ICAM3: variants seen among roughly 807,000 people sequenced by gnomAD.
ICAM3 encodes the protein ICAM-3.
In ICAM3, 54 loss-of-function variants were observed where a neutral mutation model predicts 43.6. The observed-to-expected ratio is 1.24, with a 90% CI of 0.99 to 1.55. The LOEUF is 1.55. Among genes scored for constraint, ICAM3 ranks in the 40% most tolerant of loss-of-function variants. The probability of loss-of-function intolerance (pLI) is 0.00; values close to 1 mark genes in which losing one functional copy is unlikely to be tolerated. For synonymous variants in ICAM3, 306 were observed against 312.6 expected, an observed-to-expected ratio of 0.98 and a Z score of 0.22; for missense variants, 715 against 717.9, an observed-to-expected ratio of 1.00 and a Z score of 0.05.
Position 10,335,182 on chromosome 19 carries a change from A to C in ICAM3, c.821T>G (p.Leu274Arg). Residue 274 changes from leucine to arginine, a missense_variant, in exon 4 of 7, where the codon CTA (leucine) becomes CGA (arginine). By Grantham distance (102) the Leu-to-Arg change is moderately radical. Coordinates refer to ENST00000160262, the MANE Select transcript of ICAM3 (RefSeq NM_002162.5). ...NATVMNHGDTLTATATATARA... is the reference protein window; with the variant it reads ...NATVMNHGDTRTATATATARA... ...CGCCGTGGCTGTGGCTGTGGCCGTT[A>C]GCGTGTCCCCGTGGTTCATGACTGT... The C allele has an allele frequency of 2.5e-6, 4 of 1,613,720 alleles. No homozygotes were observed. The highest frequency in any genetic ancestry group is 3.4e-6 in the Non-Finnish European group (4 of 1,180,006).
intron 2 of ICAM3, among the ~76,000 whole-genome samples, chr19:10,336,656 A>C (rs928549245): frequency 3.9e-5 from 6 of 152,022 alleles, no homozygotes; most frequent in Non-Finnish European, 8.8e-5. Flanking sequence ...AAATACAAAA[A>C]TTAGCCAGGC....
rs373987930 is a variant in ICAM3 at position 10,333,783 on chromosome 19, G to T, written c.*74C>A. 42 of 1,519,644 alleles carry T rather than the reference G, an allele frequency of 2.8e-5. No homozygotes were observed. Among genetic ancestry groups the T allele is most frequent in the Non-Finnish European group, 3.7e-5 (41 of 1,100,474 alleles). 94.1% of individuals were successfully genotyped at this position (1,519,644 alleles called of 1,614,324 possible). On this transcript the variant is annotated 3_prime_UTR_variant, in exon 7 of 7. Transcript: ENST00000160262. This position sits in a 1 kb window ranked among gnomAD's most constrained non-coding sequence, Gnocchi z 4.2. ...GTGGAATCAAACCACAGATTAGGGA[G>T]TTTGAAGGCTTTATTGGTGCGGAAT...
At position 10,334,986 on chromosome 19, in the gene ICAM3, A is replaced by G. The variant is rs1422081710; in HGVS notation, c.937+80T>C. 16 of 1,541,058 alleles carry G rather than the reference A, an allele frequency of 1.0e-5. No homozygotes were observed. The highest frequency in any genetic ancestry group is 1.4e-5 in the Non-Finnish European group (16 of 1,138,948). ...CTGCTATTGGGGCAAGCCAGGCCCCACCTTTTCGGCTAGTCTCCGCCCCCT... is the reference window on the plus strand; with the variant it reads ...CTGCTATTGGGGCAAGCCAGGCCCCGCCTTTTCGGCTAGTCTCCGCCCCCT... On this transcript the variant is annotated intron_variant, in intron 4 of 6. Transcript: ENST00000160262. This position sits in a 1 kb window ranked among gnomAD's most constrained non-coding sequence, Gnocchi z 5.5.
intron 2 of ICAM3, among the ~76,000 whole-genome samples, chr19:10,337,548 T>A (rs988218801): frequency 2.6e-5 from 4 of 151,672 alleles, no homozygotes; most frequent in African/African-American, 9.7e-5. Context: ...CATAGGGAGA[T>A]CCTGTCTCTA....
In ICAM3 at chr19:10,334,259, T is replaced by G; in HGVS notation, c.1342A>C (p.Ile448Leu). 1 of 1,614,138 alleles carries G rather than the reference T, an allele frequency of 6.2e-7. No homozygotes were observed. Among genetic ancestry groups the G allele is most frequent in the South Asian group, 1.1e-5 (1 of 91,084 alleles). ...TGTGTTACGTTGACGAAGAACGGGATCCCCACCGGCACCTCCCGGCTGGAG... is the reference window on the plus strand; with the variant it reads ...TGTGTTACGTTGACGAAGAACGGGAGCCCCACCGGCACCTCCCGGCTGGAG... ...EGSSREVPVG[I>L]PFFVNVTHNG... is the part of the protein sequence containing the mutation. The change falls in exon 6 of 7, where the codon ATC becomes CTC. Residue 448 changes from isoleucine (I) to leucine (L), a missense_variant. Transcript: ENST00000160262. The surrounding 1 kb of genome is among the most constrained non-coding windows in gnomAD (Gnocchi z 5.5).
rs1454044703 is a variant in ICAM3, at chr19:10,335,654, G to A, written c.649+17C>T. 6.3e-7 allele frequency: 1 copy of A among 1,585,542 alleles called. No individual in the cohort carries two copies. Among genetic ancestry groups the A allele is most frequent in the Non-Finnish European group, 8.6e-7 (1 of 1,164,788 alleles). Reference sequence around the variant, plus strand: ...TGGCTCAGCTCGTCACCCACCGTCTGAAGCCCCTTCTCTCACCAAAGGTTC... The same window carrying A: ...TGGCTCAGCTCGTCACCCACCGTCTAAAGCCCCTTCTCTCACCAAAGGTTC... On this transcript the variant is annotated intron_variant, in intron 3 of 6. Transcript: ENST00000160262.
At position 10,338,129 on chromosome 19, in the gene ICAM3, C is replaced by T. The variant is rs145126073; in HGVS notation, c.343+553G>A. On this transcript the variant is annotated intron_variant, in intron 2 of 6. Transcript: ENST00000160262. ...AAAAAAAAAGCTTGTTGGGGCCGGG[C>T]GCAGTGGCCCATGCCTGTAATCCCA... 2.1e-3 allele frequency among the ~76,000 whole-genome samples: 313 copies of T among 148,496 alleles called. 3 individuals are homozygous for T. The highest frequency in any genetic ancestry group is 3.8e-3 in the Non-Finnish European group (257 of 67,564).
Position 10,335,925 on chromosome 19 carries a change from C to G in ICAM3, c.395G>C (p.Gly132Ala). The G allele has an allele frequency of 6.3e-7, 1 of 1,585,160 alleles. No homozygotes were observed. The highest frequency in any genetic ancestry group is 1.3e-5 in the African/African-American group (1 of 74,780). ...LAPLPPWQPV[G>A]QNFTLRCQVE... is the part of the protein sequence containing the mutation. ...TTGGCAGCGCAGGGTGAAGTTCTGG[C>G]CCACCGGCTGCCAAGGAGGCAGGGG... The change falls in exon 3 of 7, where the codon GGC (glycine) becomes GCC (alanine). Residue 132 changes from glycine to alanine, a missense_variant. Transcript: ENST00000160262.
intron 4 of ICAM3, 35 bp downstream of exon 4, chr19:10,335,031 C>T (rs751253462): frequency 6.3e-7 from 1 of 1,594,206 alleles, no homozygotes; most frequent in East Asian, 2.2e-5. Context: ...CCCCAGACTG[C>T]TGAGGCCGCG....
At position 10,335,073 on chromosome 19, in the gene ICAM3, C is replaced by A; in HGVS notation, c.930G>T (p.Thr310=). ...GERREARENL[T]VFSFLGPIVN... Reference sequence around the variant, plus strand: ...TCCCACGCCTCCTCTTACTAAAGACCGTCAAGTTCTCCCGGGCCTCCCGTC... The same window carrying A: ...TCCCACGCCTCCTCTTACTAAAGACAGTCAAGTTCTCCCGGGCCTCCCGTC... Residue 310 remains threonine, a synonymous_variant, in exon 4 of 7, where the codon ACG becomes ACT. Coordinates refer to ENST00000160262, the MANE Select transcript of ICAM3 (RefSeq NM_002162.5). 1 of 1,612,454 alleles carries A rather than the reference C, an allele frequency of 6.2e-7. No individual in the cohort carries two copies. The highest frequency in any genetic ancestry group is 8.5e-7 in the Non-Finnish European group (1 of 1,179,136).
At position 10,334,458 on chromosome 19, in the gene ICAM3, T is replaced by G; in HGVS notation, c.1193-50A>C. 1 of 1,610,532 alleles carries G rather than the reference T, an allele frequency of 6.2e-7. No homozygotes were observed. The highest frequency in any genetic ancestry group is 8.5e-7 in the Non-Finnish European group (1 of 1,177,544). On this transcript the variant is annotated intron_variant, in intron 5 of 6. Transcript: ENST00000160262. The surrounding 1 kb of genome is among the most constrained non-coding windows in gnomAD (Gnocchi z 5.5). ...GACACCCAACACACCCGAGGCACAG[T>G]GGTGCAGAGGAGCGTCTAATCTTTC... is the stretch of plus-strand genomic sequence containing the variant.
chr19:10,338,708 G>T lies in ICAM3; in HGVS notation c.317C>A (p.Thr106Lys), dbSNP rs376533851. The T allele has an allele frequency of 1.2e-6, 2 of 1,614,100 alleles. No individual in the cohort carries two copies. The highest frequency in any genetic ancestry group is 3.3e-5 in the Admixed American group (2 of 60,000). The change falls in exon 2 of 7, where the codon ACA (threonine) becomes AAA (lysine). Residue 106 changes from threonine to lysine, a missense_variant. Coordinates refer to ENST00000160262, the MANE Select transcript of ICAM3 (RefSeq NM_002162.5). ...CSVYCNGSQI[T>K]GSSNITVYRL... is the part of the protein sequence containing the mutation. ...GTACACGGTGATGTTAGAGGAGCCT[G>T]TTATCTGAGAGCCATTGCAGTACAC...
chr19:10,335,902 G>T lies in ICAM3; in HGVS notation c.418C>A (p.Gln140Lys). The T allele has an allele frequency of 5.0e-6, 8 of 1,596,314 alleles. No individual in the cohort carries two copies. Among genetic ancestry groups the T allele is most frequent in the Non-Finnish European group, 6.8e-6 (8 of 1,175,338 alleles). ...PVGQNFTLRC[Q>K]VEDGSPRTSL... ...GTCCGGGGCGACCCATCCTCCACTTGGCAGCGCAGGGTGAAGTTCTGGCCC... is the reference window on the plus strand; with the variant it reads ...GTCCGGGGCGACCCATCCTCCACTTTGCAGCGCAGGGTGAAGTTCTGGCCC... The change falls in exon 3 of 7, where the codon CAA becomes AAA. Residue 140 changes from glutamine to lysine, a missense_variant. By Grantham distance (53) the Gln-to-Lys change is moderately conservative. Transcript: ENST00000160262.
In ICAM3 at chr19:10,339,594, G is replaced by T. The variant is rs764185613; in HGVS notation, c.21C>A (p.Ser7=). The change falls in exon 1 of 7, where the codon TCC becomes TCA. Residue 7 remains serine, a synonymous_variant. Coordinates refer to ENST00000160262, the MANE Select transcript of ICAM3 (RefSeq NM_002162.5). MATMVP[S]VLWPRACWTL... ...TCCAGCAGGCCCTGGGCCACAACACGGATGGTACCATGGTGGCCATTCTGA... is the reference window on the plus strand; with the variant it reads ...TCCAGCAGGCCCTGGGCCACAACACTGATGGTACCATGGTGGCCATTCTGA... The T allele has an allele frequency of 1.9e-6, 3 of 1,613,876 alleles. No homozygotes were observed. Among genetic ancestry groups the T allele is most frequent in the Admixed American group, 3.3e-5 (2 of 59,998 alleles).
chr19:10,334,644 T>A lies in ICAM3; in HGVS notation c.1076A>T (p.Gln359Leu). ...ACTCTCGGTAGCATTTAGCTGAAGT[T>A]GAGCTGGCTGCCCCGGGGCCGCGGC... ...VPAAAPGQPA[Q>L]LQLNATESDD... Residue 359 changes from glutamine to leucine, a missense_variant, in exon 5 of 7, where the codon CAA becomes CTA. By Grantham distance (113) the Gln-to-Leu change is moderately radical (BLOSUM62 -2). Transcript: ENST00000160262. The surrounding 1 kb of genome is among the most constrained non-coding windows in gnomAD (Gnocchi z 5.5). The A allele has an allele frequency of 6.2e-7, 1 of 1,613,488 alleles. No individual in the cohort carries two copies. The highest frequency in any genetic ancestry group is 8.5e-7 in the Non-Finnish European group (1 of 1,180,002).
At position 10,333,930 on chromosome 19, in the gene ICAM3, T is replaced by C. The variant is rs1230042949; in HGVS notation, c.1571A>G (p.Glu524Gly). 2 of 1,614,102 alleles carry C rather than the reference T, an allele frequency of 1.2e-6. No individual in the cohort carries two copies. Among genetic ancestry groups the C allele is most frequent in the Non-Finnish European group, 1.7e-6 (2 of 1,180,016 alleles). The part of the protein sequence containing the change: ...QRSGSYHVRE[E>G]STYLPLTSMQ... ...AGACGTGAGGGGCAGATAGGTGCTC[T>C]CCTCCCTAACATGGTAACTGCCGCT... Residue 524 changes from glutamate (E) to glycine (G), a missense_variant, in exon 7 of 7, where the codon GAG becomes GGG. Glu to Gly is a moderately conservative substitution (Grantham distance 98). Transcript: ENST00000160262. The surrounding 1 kb of genome is among the most constrained non-coding windows in gnomAD (Gnocchi z 4.2).
rs779314826 is a variant in ICAM3 at position 10,333,999 on chromosome 19, G to C, written c.1502C>G (p.Thr501Ser). 7 of 1,614,148 alleles carry C rather than the reference G, an allele frequency of 4.3e-6. No individual in the cohort carries two copies. In the Middle Eastern group the frequency reaches 4.9e-4, roughly 114 times the overall value. ...VAVLLTLGVV[T>S]IVLALMYVFR... ...GACGTACATTAAGGCCAGTACGATA[G>C]TCACCACGCCCAGGGTCAGTAACAC... is the stretch of plus-strand genomic sequence containing the variant. The change falls in exon 7 of 7, where the codon ACT (threonine) becomes AGT (serine). Residue 501 changes from threonine (T) to serine (S), a missense_variant. Physicochemically the swap from Thr to Ser is moderately conservative, Grantham distance 58. Transcript: ENST00000160262. This position sits in a 1 kb window ranked among gnomAD's most constrained non-coding sequence, Gnocchi z 4.2.
intron 1 of ICAM3, 81 bp downstream of exon 1, chr19:10,339,458 G>A: frequency 8.5e-7 from 1 of 1,181,858 alleles, no homozygotes; most frequent in East Asian, 2.4e-5. Context: ...GATGTGAACA[G>A]CGTTGCGTTC....
chr19:10,337,041 C>T lies in ICAM3; in HGVS notation c.344-1065G>A, dbSNP rs547632304. 1.9e-3 allele frequency among the ~76,000 whole-genome samples: 290 copies of T among 151,832 alleles called. 2 individuals carry two copies. Among genetic ancestry groups the T allele is most frequent in the African/African-American group, 6.9e-3 (284 of 41,372 alleles). On this transcript the variant is annotated intron_variant, in intron 2 of 6. Coordinates refer to ENST00000160262, the MANE Select transcript of ICAM3 (RefSeq NM_002162.5). ...AGGAGAATCACTTGAACCCAGGAGG[C>T]GGAGGTTGCAATGAGCTGACATCGC...
Sources: gnomAD v4.1 joint callset for allele counts (sites outside exome capture counted in the v4.1 genomes callset) on GRCh38, gnomAD v4.1.1 for gene constraint, Gnocchi (gnomAD v3.1) non-coding constraint, MANE v1.5 for transcripts, NCBI Gene and HGNC (gene_info 2026-07-23, HGNC 2026-07-21) for gene names.